Variants in TERF2 observed in about 807,000 individuals in gnomAD.
TERF2 encodes telomeric repeat-binding factor 2.
Under a neutral mutation model 56.1 loss-of-function variants are expected in TERF2, and 16 were observed. That is an observed-to-expected ratio of 0.29 (90% CI 0.19 to 0.43). The LOEUF is 0.43. Among genes scored for constraint, TERF2 ranks in the 20% least tolerant of loss-of-function variants. The probability of loss-of-function intolerance (pLI) is 1.00; values close to 1 mark genes in which losing one functional copy is unlikely to be tolerated. For synonymous variants in TERF2, 296 were observed against 282.1 expected (o/e 1.05, Z -0.50); for missense variants, 547 against 712.9 (o/e 0.77, Z 2.65).
At chr16:69,362,793 G>A (rs752776505) in intron 7 of TERF2, among the ~76,000 whole-genome samples, 6 of 152,142 alleles carry the variant, frequency 3.9e-5, no homozygotes, top group Non-Finnish European at 8.8e-5. Context: ...TACAAACATG[G>A]AAAGTGTCTG....
At position 69,363,899 on chromosome 16, in the gene TERF2, T is replaced by C. The variant is rs1428525086; in HGVS notation, c.1341-2410A>G. Among the ~76,000 whole-genome samples the C allele has an allele frequency of 2.0e-5, 3 of 152,034 alleles. No homozygotes were observed. The East Asian group carries it at 5.8e-4, about 29-fold the overall frequency. ...ATGGTGGCTGAGGTAGGAGAATCGC[T>C]TGAACCTGGGAGGCAGAGGTTGCAG... On this transcript the variant is annotated intron_variant, in intron 7 of 9. Coordinates refer to ENST00000254942, the MANE Select transcript of TERF2 (RefSeq NM_005652.5).
chr16:69,370,632 A>G lies in TERF2; in HGVS notation c.694-3T>C, dbSNP rs2013532232. The G allele has an allele frequency of 3.1e-6, 5 of 1,603,854 alleles. No homozygotes were observed. The highest frequency in any genetic ancestry group is 4.3e-6 in the Non-Finnish European group (5 of 1,175,016). ...TTCAGGAGATCATTTCTCAGCTTCT[A>G]CACAATGGACCGATATTTGCAACAT... On this transcript the variant is annotated splice_region_variant and splice_polypyrimidine_tract_variant and intron_variant, in intron 4 of 9. Transcript: ENST00000254942.
At position 69,385,938 on chromosome 16, in the gene TERF2, A is replaced by T. The variant is rs1291049941; in HGVS notation, c.34T>A (p.Ser12Thr). The T allele has an allele frequency of 2.2e-6, 3 of 1,367,838 alleles. No individual in the cohort carries two copies. Among genetic ancestry groups the T allele is most frequent in the Non-Finnish European group, 2.8e-6 (3 of 1,059,932 alleles). 84.7% of individuals were successfully genotyped at this position (1,367,838 alleles called of 1,614,324 possible). A position where few individuals can be genotyped will look rare whatever the true frequency, so the allele number is the denominator to read the frequency against. ...AAGAGTAGPA[S>T]GPGVVRDPAA... Reference sequence around the variant, plus strand: ...GGGTCACGCACGACGCCCGGGCCGGAAGCGGGGCCCGCCGTCCCGGCTCCC... The same window carrying T: ...GGGTCACGCACGACGCCCGGGCCGGTAGCGGGGCCCGCCGTCCCGGCTCCC... Residue 12 changes from serine to threonine, a missense_variant, in exon 1 of 10, where the codon TCC becomes ACC. Around this residue, in one of 6 missense-constraint regions of TERF2, gnomAD observed 85 missense variants for 59.5 expected, o/e 1.43. Transcript: ENST00000254942.
chr16:69,366,181 A>AAAAGTACAG (rs1567446470), intron 7 of TERF2: 1 of 152,350 alleles, frequency 6.6e-6, no homozygotes, highest in Non-Finnish European at 1.5e-5. Context: ...GAGAGGAAGC[A>AAAAGTACAG]AAAGTACAGT....
chr16:69,364,675 A>G (rs1015715407), intron 7 of TERF2, among the ~76,000 whole-genome samples: 1 of 152,042 alleles, frequency 6.6e-6, no homozygotes, highest in Non-Finnish European at 1.5e-5. Flanking sequence ...AGAGTCCCCC[A>G]GCCCCCAACA....
At chr16:69,380,894 C>T (rs935718758) in intron 3 of TERF2, among the ~76,000 whole-genome samples, 3 of 148,162 alleles carry the variant, frequency 2.0e-5, no homozygotes, top group East Asian at 2.1e-4. Flanking sequence ...CTCCTCCTCC[C>T]GGGTTCAAGC....
intron 8 of TERF2, among the ~76,000 whole-genome samples, chr16:69,359,988 CCT>C (rs1217706070): frequency 3.9e-5 from 6 of 152,038 alleles, no homozygotes; most frequent in East Asian, 3.9e-4. Context: ...GTCTCCAACC[CCT>C]GAGTTCAAGG....
chr16:69,362,310 A>C (rs993766895), intron 7 of TERF2, among the ~76,000 whole-genome samples: 5 of 151,736 alleles, frequency 3.3e-5, no homozygotes, highest in African/African-American at 7.3e-5. Context: ...GCCTCCTCTA[A>C]CTACCAACCA....
At chr16:69,357,654 T>G in intron 8 of TERF2, 93 bp from the exon 9 acceptor site, 4 of 1,428,038 alleles carry the variant, frequency 2.8e-6, no homozygotes, top group East Asian at 4.6e-5. Flanking sequence ...AAGGGAAAAC[T>G]TCTTCAAATT....
At chr16:69,372,610 A>C (rs2013618432) in intron 3 of TERF2, among the ~76,000 whole-genome samples, 1 of 152,098 alleles carries the variant, frequency 6.6e-6, no homozygotes, top group African/African-American at 2.4e-5. Context: ...TAAAAATACA[A>C]AATTAGCCAG....
chr16:69,359,221 C>T (rs2013033578), intron 8 of TERF2, among the ~76,000 whole-genome samples: 1 of 152,092 alleles, frequency 6.6e-6, no homozygotes, highest in African/African-American at 2.4e-5. Context: ...CCTTGCTAAC[C>T]ACTGCTTTGA....
chr16:69,382,669 T>C (rs1376019271), intron 3 of TERF2, among the ~76,000 whole-genome samples: 3 of 152,216 alleles, frequency 2.0e-5, no homozygotes, highest in Non-Finnish European at 2.9e-5. Flanking sequence ...AGCAGCCTTA[T>C]CTGTGAAGAG....
chr16:69,385,545 ACCCCCTTCCCCGGCGCTCCAAC>A (rs1272450243), intron 1 of TERF2, 26 bp downstream of exon 1: 8 of 1,014,046 alleles, frequency 7.9e-6, no homozygotes, highest in Admixed American at 1.8e-5. Flanking sequence ...GGTCCCCCGG[ACCCCCTTCCCCGGCGCTCCAAC>A]CCCCCTCCCC....
chr16:69,361,357 T>C, intron 8 of TERF2, 47 bp downstream of exon 8: 1 of 1,335,530 alleles, frequency 7.5e-7, no homozygotes, highest in Admixed American at 1.7e-5. Flanking sequence ...CACGCATCTG[T>C]ACTTCAGCAA....
In TERF2 at chr16:69,356,927, G is replaced by T. The variant is rs374494764; in HGVS notation, c.1600C>A (p.Arg534=). The change falls in exon 10 of 10, where the codon CGG becomes AGG. Residue 534 remains arginine (R), a synonymous_variant. Transcript: ENST00000254942. ...TTCATGCCAAGTCTTTTCATGGTCC[G>T]CCAGCGATCCTTAATCATCACAGCT... ...RTAVMIKDRW[R]TMKRLGMN 2 of 1,613,272 alleles carry T rather than the reference G, an allele frequency of 1.2e-6. No individual in the cohort carries two copies. Among genetic ancestry groups the T allele is most frequent in the Non-Finnish European group, 1.7e-6 (2 of 1,179,792 alleles).
intron 3 of TERF2, among the ~76,000 whole-genome samples, chr16:69,373,083 A>G (rs3785074): frequency 0.3 from 46,305 of 151,940 alleles, 7,822 homozygotes; most frequent in African/African-American, 0.42. Context: ...GGAAAGAAAG[A>G]GATGTGCTGA....
At chr16:69,374,374 A>C (rs528710899) in intron 3 of TERF2, among the ~76,000 whole-genome samples, 1 of 152,030 alleles carries the variant, frequency 6.6e-6, no homozygotes, top group Non-Finnish European at 1.5e-5. Context: ...TCATAACTGT[A>C]ATCCCAGTGC....
At chr16:69,363,544 C>T (rs982096504) in intron 7 of TERF2, among the ~76,000 whole-genome samples, 4 of 152,170 alleles carry the variant, frequency 2.6e-5, no homozygotes, top group Admixed American at 2.0e-4. Context: ...GTGCTCCTGA[C>T]TGGCAGTTTG....
intron 7 of TERF2, among the ~76,000 whole-genome samples, chr16:69,362,441 G>A (rs1040903064): frequency 6.6e-6 from 1 of 152,016 alleles, no homozygotes; most frequent in African/African-American, 2.4e-5. Flanking sequence ...ATCTTCCTTT[G>A]TCCATCCCAA....
Sources: allele counts gnomAD v4.1 joint callset (sites outside exome capture counted in the v4.1 genomes callset), GRCh38; gene constraint gnomAD v4.1.1; regional missense constraint gnomAD v4.1.1; transcripts MANE v1.5; gene names NCBI Gene and HGNC (gene_info 2026-07-23, HGNC 2026-07-21).